Variants in SPTLC3 observed in about 807,000 individuals in gnomAD.
The protein encoded by SPTLC3 is serine palmitoyltransferase long chain base subunit 3.
Under a neutral mutation model 59.3 loss-of-function variants are expected in SPTLC3, and 36 were observed. That is an observed-to-expected ratio of 0.61 (90% confidence interval 0.47 to 0.80). SPTLC3 has a LOEUF of 0.80. SPTLC3 is among the 30% of genes least tolerant of loss of function. SPTLC3 has a pLI of 0.00. For missense variants in SPTLC3, 625 were observed against 685.1 expected (o/e 0.91, Z 0.98); for synonymous variants, 257 against 240.8 (o/e 1.07, Z -0.62).
intron 2 of SPTLC3, among the ~76,000 whole-genome samples, chr20:13,052,954 C>A (rs530365203): frequency 2.0e-5 from 3 of 152,320 alleles, no homozygotes; most frequent in African/African-American, 7.2e-5. Context: ...GAAGGGGCAG[C>A]TGCAGGTGCA....
chr20:13,033,421 T>C (rs1986589782), intron 1 of SPTLC3, among the ~76,000 whole-genome samples: 1 of 152,210 alleles, frequency 6.6e-6, no homozygotes, highest in African/African-American at 2.4e-5. Context: ...GAATCTTTAA[T>C]GTGTAGCTTC....
chr20:13,106,846 T>C (rs1410375230), intron 6 of SPTLC3, among the ~76,000 whole-genome samples: 1 of 152,170 alleles, frequency 6.6e-6, no homozygotes, highest in African/African-American at 2.4e-5. Flanking sequence ...AGATCTAGGT[T>C]TGGAACTAGC....
intron 4 of SPTLC3, among the ~76,000 whole-genome samples, chr20:13,085,616 A>C (rs1988978946): frequency 6.6e-6 from 1 of 152,192 alleles, no homozygotes; most frequent in South Asian, 2.1e-4. Context: ...CAAAAGAAGA[A>C]TTGGTAGTTG....
intron 1 of SPTLC3, among the ~76,000 whole-genome samples, chr20:13,011,214 G>A (rs998295129): frequency 4.6e-5 from 7 of 152,176 alleles, no homozygotes; most frequent in Non-Finnish European, 7.3e-5. Context: ...TGATGGGAAC[G>A]AAGTTGTCTT....
chr20:13,017,652 T>C (rs1232190498), intron 1 of SPTLC3, among the ~76,000 whole-genome samples: 3 of 152,196 alleles, frequency 2.0e-5, no homozygotes, highest in Non-Finnish European at 4.4e-5. Context: ...CAGCTATCAT[T>C]AGTGTTAGTG....
chr20:13,025,616 C>T (rs1986103077), intron 1 of SPTLC3, among the ~76,000 whole-genome samples: 2 of 152,184 alleles, frequency 1.3e-5, no homozygotes, highest in African/African-American at 4.8e-5. Flanking sequence ...TGCACTATTA[C>T]TAATATTGAC....
intron 4 of SPTLC3, among the ~76,000 whole-genome samples, chr20:13,075,763 T>C (rs925413824): frequency 2.6e-5 from 4 of 152,120 alleles, no homozygotes; most frequent in African/African-American, 9.7e-5. Context: ...AGATATTTCC[T>C]CTGGTGCTGG....
At chr20:13,043,163 A>G (rs1450618468) in intron 1 of SPTLC3, among the ~76,000 whole-genome samples, 3 of 152,170 alleles carry the variant, frequency 2.0e-5, no homozygotes, top group Non-Finnish European at 4.4e-5. Context: ...ATCTATGCCA[A>G]TCTTGATCAT....
chr20:13,069,903 A>C (rs1021398896), intron 2 of SPTLC3, among the ~76,000 whole-genome samples: 2 of 152,170 alleles, frequency 1.3e-5, no homozygotes, highest in Non-Finnish European at 2.9e-5. Context: ...TTACTTACAC[A>C]CCTACTGCTC....
chr20:13,023,992 T>C (rs1264584892), intron 1 of SPTLC3, among the ~76,000 whole-genome samples: 1 of 152,134 alleles, frequency 6.6e-6, no homozygotes, highest in Non-Finnish European at 1.5e-5. Context: ...AGAAAGTAAA[T>C]GCGATCTGTT....
chr20:13,029,427 GC>G (rs1986317673), intron 1 of SPTLC3, among the ~76,000 whole-genome samples: 1 of 152,122 alleles, frequency 6.6e-6, no homozygotes, highest in African/African-American at 2.4e-5. Context: ...GCTAAAACAT[GC>G]CTGGTTATAC....
At chr20:13,088,421 G>A (rs1397012279) in intron 4 of SPTLC3, among the ~76,000 whole-genome samples, 9 of 151,958 alleles carry the variant, frequency 5.9e-5, no homozygotes, top group African/African-American at 1.5e-4. Flanking sequence ...TACAAGCTCC[G>A]CCTCCCGGGT....
At chr20:13,151,114 C>T (rs2038634588) in intron 9 of SPTLC3, among the ~76,000 whole-genome samples, 1 of 152,144 alleles carries the variant, frequency 6.6e-6, no homozygotes, top group African/African-American at 2.4e-5. Flanking sequence ...GCACTGCCCA[C>T]CTCTCTTCTT....
rs113641702 is a variant in SPTLC3, at chr20:13,046,124, C to T, written c.118-2821C>T. Among the ~76,000 whole-genome samples the T allele has an allele frequency of 1.0e-3, 155 of 152,284 alleles. 2 individuals carry two copies. The highest frequency in any genetic ancestry group is 3.6e-3 in the African/African-American group (148 of 41,568). On this transcript the variant is annotated intron_variant, in intron 1 of 11. Coordinates refer to ENST00000399002, the MANE Select transcript of SPTLC3 (RefSeq NM_018327.4). The stretch of plus-strand genomic sequence containing the variant: ...ACCCACACTGGGTTCCCTTTATTCA[C>T]CCTTTTTCTTCTGTGGTACCGGAAA...
chr20:13,119,441 C>G (rs1216705568), intron 8 of SPTLC3, among the ~76,000 whole-genome samples: 1 of 152,154 alleles, frequency 6.6e-6, no homozygotes, highest in Admixed American at 6.6e-5. Flanking sequence ...AAGATGTAGG[C>G]GTTCTTGTCC....
intron 1 of SPTLC3, among the ~76,000 whole-genome samples, chr20:13,029,122 T>C (rs1052520528): frequency 9.9e-5 from 15 of 152,138 alleles, no homozygotes; most frequent in African/African-American, 3.1e-4. Context: ...CTGAAGTACA[T>C]CTCGGGTTAG....
chr20:13,057,223 A>G (rs1177264299), intron 2 of SPTLC3, among the ~76,000 whole-genome samples: 1 of 152,220 alleles, frequency 6.6e-6, no homozygotes, highest in Non-Finnish European at 1.5e-5. Flanking sequence ...GCTGGTTCCT[A>G]GGAGTGCAGA....
intron 2 of SPTLC3, 164 bp downstream of exon 2, chr20:13,049,294 C>A: frequency 4.1e-6 from 3 of 730,528 alleles, no homozygotes; most frequent in Non-Finnish European, 7.0e-6. Context: ...TACCCATGGG[C>A]TTATGGACCT....
intron 1 of SPTLC3, among the ~76,000 whole-genome samples, chr20:13,038,830 G>A (rs529243094): frequency 1.7e-3 from 264 of 152,080 alleles, no homozygotes; most frequent in Middle Eastern, 3.4e-3. Flanking sequence ...AATAAGTTTA[G>A]GTATACATGT....
Sources: allele counts gnomAD v4.1 joint callset (sites outside exome capture counted in the v4.1 genomes callset), GRCh38; gene constraint gnomAD v4.1.1; transcripts MANE v1.5; gene names NCBI Gene and HGNC (gene_info 2026-07-23, HGNC 2026-07-21).